Variants in SMC5 observed in about 807,000 individuals in gnomAD.
The protein encoded by SMC5 is structural maintenance of chromosomes 5.
SMC5 carries 88 observed loss-of-function variants against 148.3 expected under a neutral mutation model. That is an observed-to-expected ratio of 0.59 (90% CI 0.50 to 0.71). SMC5 has a LOEUF of 0.71. SMC5 is among the 30% of genes least tolerant of loss of function. SMC5 has a pLI of 0.00. For missense variants in SMC5, 1,142 were observed against 1,298.9 expected, an observed-to-expected ratio of 0.88 and a Z score of 1.86; for synonymous variants, 421 against 432.8, an observed-to-expected ratio of 0.97 and a Z score of 0.34.
intron 17 of SMC5, among the ~76,000 whole-genome samples, chr9:70,336,990 CAA>C: frequency 6.6e-6 from 1 of 152,034 alleles, no homozygotes; most frequent in South Asian, 2.1e-4. Flanking sequence ...TGGTGGCAGG[CAA>C]AGAGAAAGCT....
At chr9:70,318,773 C>T (rs1564056657) in intron 14 of SMC5, 21 bp from the exon 15 acceptor site, 5 of 1,547,924 alleles carry the variant, frequency 3.2e-6, no homozygotes, top group Non-Finnish European at 4.3e-6. Flanking sequence ...AATATGTTAA[C>T]AATTTTTAAA....
chr9:70,298,333 TGAG>T (rs1179736895), intron 9 of SMC5, 112 bp downstream of exon 9: 2 of 1,193,088 alleles, frequency 1.7e-6, no homozygotes, highest in Non-Finnish European at 2.3e-6. Context: ...GTTGCCTTCT[TGAG>T]GAAGCTCAAC....
intron 17 of SMC5, among the ~76,000 whole-genome samples, chr9:70,328,999 G>A (rs1010661822): frequency 2.0e-5 from 3 of 152,178 alleles, no homozygotes; most frequent in African/African-American, 4.8e-5. Flanking sequence ...TCTTGGCCCC[G>A]TTTAGCCACA....
At chr9:70,313,911 T>C (rs2035726252) in intron 11 of SMC5, among the ~76,000 whole-genome samples, 1 of 152,132 alleles carries the variant, frequency 6.6e-6, no homozygotes, top group South Asian at 2.1e-4. Flanking sequence ...CTTAGCTGGA[T>C]TTAAACTCCA....
At chr9:70,284,762 T>G (rs2034851546) in intron 7 of SMC5, among the ~76,000 whole-genome samples, 1 of 152,232 alleles carries the variant, frequency 6.6e-6, no homozygotes, top group South Asian at 2.1e-4. Context: ...TATGTCAGTC[T>G]ATAGTAAAAG....
rs968420294 is a variant in SMC5 at position 70,354,867 on chromosome 9, T to C, written c.*2536T>C. 6.6e-6 allele frequency: 1 copy of C among 152,222 alleles called. No individual in the cohort carries two copies. The highest frequency in any genetic ancestry group is 1.5e-5 in the Non-Finnish European group (1 of 68,032). The allele number at this position is 152,222 out of a possible 1,614,324, so 9.4% of individuals were successfully genotyped here. On this transcript the variant is annotated 3_prime_UTR_variant, in exon 25 of 25. Coordinates refer to ENST00000361138, the MANE Select transcript of SMC5 (RefSeq NM_015110.4). ...TTTGTTGGTAATAAATCAATATTTTTATATTCTTTTGGTGTATGTTATTTT... is the reference window on the plus strand; with the variant it reads ...TTTGTTGGTAATAAATCAATATTTTCATATTCTTTTGGTGTATGTTATTTT...
intron 5 of SMC5, 40 bp downstream of exon 5, chr9:70,278,665 G>T: frequency 6.4e-7 from 1 of 1,560,872 alleles, no homozygotes; most frequent in South Asian, 1.2e-5. Flanking sequence ...GTTTCTTATT[G>T]ATTTCTGTAT....
chr9:70,300,276 T>G (rs1343127677), intron 10 of SMC5, 76 bp downstream of exon 10: 5 of 1,332,596 alleles, frequency 3.8e-6, no homozygotes, highest in Non-Finnish European at 5.1e-6. Context: ...GACATTTTAG[T>G]CCCAATATTA....
At chr9:70,284,149 G>A (rs1403258863) in intron 7 of SMC5, among the ~76,000 whole-genome samples, 2 of 152,110 alleles carry the variant, frequency 1.3e-5, no homozygotes, top group Admixed American at 1.3e-4. Context: ...TTTTGACTTT[G>A]CTACTATCAT....
chr9:70,309,318 CTTTTTTTTTTTTTTTTTTT>C (rs59694037), intron 11 of SMC5, among the ~76,000 whole-genome samples: 2 of 79,180 alleles, frequency 2.5e-5, no homozygotes, highest in Non-Finnish European at 2.3e-5. Context: ...TTTCCTTTTC[CTTTTTTTTTTTTTTTTTTT>C]TTTTTTTTTT....
chr9:70,350,518 T>A, intron 24 of SMC5, 47 bp downstream of exon 24: 1 of 1,332,444 alleles, frequency 7.5e-7, no homozygotes, highest in Non-Finnish European at 1.0e-6. Context: ...AGAAATCTCC[T>A]GTGACATAAT....
chr9:70,299,753 T>A (rs191444391), intron 9 of SMC5, among the ~76,000 whole-genome samples: 7 of 152,072 alleles, frequency 4.6e-5, no homozygotes, highest in African/African-American at 1.4e-4. Context: ...TGTTTGTCTT[T>A]TGATAGGAAA....
Position 70,314,786 on chromosome 9 carries a change from C to A in SMC5, c.1623C>A (p.Pro541=). The A allele has an allele frequency of 6.4e-7, 1 of 1,574,782 alleles. No homozygotes were observed. Among genetic ancestry groups the A allele is most frequent in the Non-Finnish European group, 8.6e-7 (1 of 1,159,636 alleles). Residue 541 remains proline (P), a synonymous_variant, in exon 12 of 25, where the codon CCC becomes CCA. Transcript: ENST00000361138. The stretch of plus-strand genomic sequence containing the variant: ...TAAGAGTAAATGCTGTTATTGCTCC[C>A]AAGAGTTCATATGCAGACAAAGCAC... The part of the protein sequence containing the change: ...KKLRVNAVIA[P]KSSYADKAPS...
chr9:70,328,109 T>C (rs1202709052), intron 17 of SMC5, among the ~76,000 whole-genome samples: 1 of 152,054 alleles, frequency 6.6e-6, no homozygotes, highest in Admixed American at 6.6e-5. Flanking sequence ...TCCCTCAACA[T>C]TGGGAATTAC....
intron 3 of SMC5, among the ~76,000 whole-genome samples, chr9:70,271,063 A>G (rs1750490230): frequency 6.6e-6 from 1 of 150,532 alleles, no homozygotes; most frequent in Non-Finnish European, 1.5e-5. Flanking sequence ...TATCGGTTCA[A>G]CATCCCCAAT....
intron 17 of SMC5, among the ~76,000 whole-genome samples, chr9:70,329,860 G>A (rs1231690423): frequency 2.6e-5 from 4 of 152,222 alleles, no homozygotes; most frequent in African/African-American, 9.6e-5. Flanking sequence ...TCTTCAGGCT[G>A]TACAAGGTGC....
intron 5 of SMC5, among the ~76,000 whole-genome samples, chr9:70,280,194 C>T (rs1158426045): frequency 1.3e-5 from 2 of 152,206 alleles, no homozygotes; most frequent in Admixed American, 6.5e-5. Context: ...CACTCACCTA[C>T]ACTCTTGACC....
At chr9:70,319,337 T>A (rs1272457970) in intron 15 of SMC5, among the ~76,000 whole-genome samples, 2 of 152,224 alleles carry the variant, frequency 1.3e-5, no homozygotes, top group African/African-American at 2.4e-5. Flanking sequence ...TAATTCATTT[T>A]AAAAATAAAC....
chr9:70,341,346 T>C (rs1374271051), intron 17 of SMC5, among the ~76,000 whole-genome samples: 1 of 152,216 alleles, frequency 6.6e-6, no homozygotes, highest in Non-Finnish European at 1.5e-5. Context: ...TCTAATACTT[T>C]ATTTTAGCAA....
Sources: allele counts gnomAD v4.1 joint callset (sites outside exome capture counted in the v4.1 genomes callset), GRCh38; gene constraint gnomAD v4.1.1; transcripts MANE v1.5; gene names NCBI Gene and HGNC (gene_info 2026-07-23, HGNC 2026-07-21).